The following EPB41L3 variants were observed in gnomAD, a reference collection of about 807,000 sequenced individuals.
EPB41L3 encodes erythrocyte membrane protein band 4.1 like 3, also known as band 4.1-like protein 3.
A neutral mutation model predicts 127.1 loss-of-function variants in EPB41L3; 57 were observed. The ratio of observed to expected loss-of-function variants is 0.45; its 90% CI spans 0.36 to 0.56. The LOEUF is 0.56. Ranked by LOEUF, EPB41L3 falls within the 20% of genes least tolerant of loss-of-function variation. EPB41L3 has a pLI of 0.00. For missense variants in EPB41L3, 1,273 were observed against 1,372.2 expected (o/e 0.93, Z 1.14); for synonymous variants, 572 against 549.5 (o/e 1.04, Z -0.57).
intron 3 of EPB41L3, among the ~76,000 whole-genome samples, chr18:5,557,120 T>C (rs536862276): frequency 3.3e-5 from 5 of 152,188 alleles, no homozygotes; most frequent in Non-Finnish European, 7.3e-5. Flanking sequence ...GCTGAGCTTA[T>C]AGATCCATTT....
At chr18:5,623,638 G>A (rs534464289) in intron 1 of EPB41L3, among the ~76,000 whole-genome samples, 2 of 147,112 alleles carry the variant, frequency 1.4e-5, no homozygotes, top group South Asian at 2.2e-4. Context: ...GGAATGACAT[G>A]GCTTTATCTT....
intron 20 of EPB41L3, 37 bp downstream of exon 20, chr18:5,395,572 C>A (rs1459201189): frequency 6.3e-7 from 1 of 1,592,918 alleles, no homozygotes; most frequent in South Asian, 1.1e-5. Flanking sequence ...CCAGCTCGCT[C>A]TCAAGGAATC....
chr18:5,522,695 G>GT (rs1218210183), intron 1 of EPB41L3, among the ~76,000 whole-genome samples: 1 of 152,058 alleles, frequency 6.6e-6, no homozygotes, highest in Non-Finnish European at 1.5e-5. Context: ...CATTTAAGGA[G>GT]TTGAAAAAAA....
chr18:5,422,644 C>T (rs987285632), intron 11 of EPB41L3, among the ~76,000 whole-genome samples: 2 of 152,258 alleles, frequency 1.3e-5, no homozygotes, highest in African/African-American at 4.8e-5. Flanking sequence ...ACAGCGGGCA[C>T]GCCTTGCAGC....
In EPB41L3 at chr18:5,454,970, T is replaced by C. The variant is rs532809727; in HGVS notation, c.382-9726A>G. 3.3e-5 allele frequency among the ~76,000 whole-genome samples: 5 copies of C among 152,380 alleles called. No homozygotes were observed. The South Asian group carries it at 1.0e-3, about 32-fold the overall frequency. ...ATTAGACAGTCCCAAGGCTGGACTC[T>C]GGTTCTACAACTAATCAGCTCTGTA... On this transcript the variant is annotated intron_variant, in intron 3 of 22. Transcript: ENST00000341928.
rs1462439302 is a variant in EPB41L3 at position 5,543,619 on chromosome 18, C to A, written c.-12+294G>T. On this transcript the variant is annotated intron_variant, in intron 1 of 22. Coordinates refer to ENST00000341928, the MANE Select transcript of EPB41L3 (RefSeq NM_012307.5). This position sits in a 1 kb window ranked among gnomAD's most constrained non-coding sequence, Gnocchi z 5.2. ...CCAGGGAGGCCCCCAGGCCGGAGGC[C>A]GGGGCTCAGGCTCTGCGCGCCGGCC... Among the ~76,000 whole-genome samples, 1 of 147,138 alleles carries A rather than the reference C, an allele frequency of 6.8e-6. No individual in the cohort carries two copies. Among genetic ancestry groups the A allele is most frequent in the Admixed American group, 6.7e-5 (1 of 14,832 alleles).
At chr18:5,446,086 A>T (rs1297929581) in intron 3 of EPB41L3, among the ~76,000 whole-genome samples, 2 of 152,174 alleles carry the variant, frequency 1.3e-5, no homozygotes, top group Non-Finnish European at 2.9e-5. Context: ...ACCTATCCCA[A>T]ATCCTTAGTT....
At chr18:5,630,491 C>G, upstream of EPB41L3, 1 of 518,738 alleles carries the variant, frequency 1.9e-6, no homozygotes, top group Non-Finnish European at 3.8e-6. Context: ...TAGGGCTGCT[C>G]ACAGGTCCCT....
chr18:5,573,835 G>A (rs1274158570), intron 3 of EPB41L3, among the ~76,000 whole-genome samples: 1 of 151,736 alleles, frequency 6.6e-6, no homozygotes, highest in Non-Finnish European at 1.5e-5. Flanking sequence ...AGGTTAGAGA[G>A]CTCAGACGAA....
At chr18:5,530,050 T>C (rs2148917260) in intron 1 of EPB41L3, among the ~76,000 whole-genome samples, 1 of 152,056 alleles carries the variant, frequency 6.6e-6, no homozygotes, top group Non-Finnish European at 1.5e-5. Flanking sequence ...TTCTACCTCC[T>C]AAACATTTTT....
chr18:5,572,876 T>A (rs1031414231), intron 3 of EPB41L3, among the ~76,000 whole-genome samples: 8 of 152,158 alleles, frequency 5.3e-5, no homozygotes, highest in Non-Finnish European at 2.9e-5. Flanking sequence ...ATCTGTCAGC[T>A]CTTCTGCTTT....
rs765331687 is a variant in EPB41L3 at position 5,488,582 on chromosome 18, G to GATA, written c.183+416_183+418dup. Among the ~76,000 whole-genome samples the GATA allele has an allele frequency of 5.8e-3, 860 of 148,926 alleles. 6 individuals are homozygous for GATA. The highest frequency in any genetic ancestry group is 0.011 in the Middle Eastern group (3 of 284). On this transcript the variant is annotated intron_variant, in intron 2 of 22. Transcript: ENST00000341928. ...GTATAATAATAATGATGATGATGATGATAATAATAATAATAATAATAATAA... is the reference window on the plus strand; with the variant it reads ...GTATAATAATAATGATGATGATGATGATAATAATAATAATAATAATAATAATAA...
chr18:5,536,556 C>CT (rs1163671631), intron 1 of EPB41L3, among the ~76,000 whole-genome samples: 1 of 150,032 alleles, frequency 6.7e-6, no homozygotes, highest in African/African-American at 2.5e-5. Context: ...AATCCCAGCA[C>CT]TTTGGGAGGC....
chr18:5,423,287 G>A, intron 11 of EPB41L3, 91 bp downstream of exon 11: 2 of 1,274,758 alleles, frequency 1.6e-6, no homozygotes, highest in Non-Finnish European at 2.1e-6. Flanking sequence ...ACAATATCCA[G>A]GAATATCTAT....
intron 2 of EPB41L3, among the ~76,000 whole-genome samples, chr18:5,484,111 A>C (rs200291660): frequency 1.3e-4 from 17 of 132,194 alleles, no homozygotes; most frequent in African/African-American, 4.8e-4. Context: ...AAAAAAAAAA[A>C]AAAAAAAAAA....
At chr18:5,488,266 T>C (rs2090105583) in intron 2 of EPB41L3, among the ~76,000 whole-genome samples, 1 of 152,086 alleles carries the variant, frequency 6.6e-6, no homozygotes, top group Non-Finnish European at 1.5e-5. Flanking sequence ...TTCATGTCCT[T>C]TTCAGGACAT....
intron 9 of EPB41L3, 40 bp downstream of exon 9, chr18:5,428,273 T>C (rs780693451): frequency 6.2e-6 from 10 of 1,608,658 alleles, no homozygotes; most frequent in Non-Finnish European, 8.5e-6. Flanking sequence ...CTATCAGGGA[T>C]CTTTCCTCCC....
intron 18 of EPB41L3, 82 bp downstream of exon 18, chr18:5,396,976 C>T: frequency 7.0e-7 from 1 of 1,426,016 alleles, no homozygotes; most frequent in Non-Finnish European, 9.4e-7. Flanking sequence ...AAACTTAGCT[C>T]CACCTTTATG....
chr18:5,508,964 T>C (rs1327402669), intron 1 of EPB41L3, among the ~76,000 whole-genome samples: 1 of 151,968 alleles, frequency 6.6e-6, no homozygotes, highest in South Asian at 2.1e-4. Context: ...TGCCTGGGAG[T>C]GCTGAGCAGT....
Sources: gnomAD v4.1 joint callset for allele counts (sites outside exome capture counted in the v4.1 genomes callset) on GRCh38, gnomAD v4.1.1 for gene constraint, Gnocchi (gnomAD v3.1) non-coding constraint, MANE v1.5 for transcripts, NCBI Gene and HGNC (gene_info 2026-07-23, HGNC 2026-07-21) for gene names.